ZBTB41: variants seen among roughly 807,000 people sequenced by gnomAD.
The protein encoded by ZBTB41 is zinc finger and BTB domain-containing protein 41.
In ZBTB41, 42 loss-of-function variants were observed where a neutral mutation model predicts 87.6. The observed-to-expected ratio is 0.48, with a 90% CI of 0.37 to 0.62. The LOEUF (loss-of-function observed/expected upper bound fraction) is 0.62. ZBTB41 is among the 20% of genes least tolerant of loss of function. ZBTB41 has a pLI of 0.00. For missense variants in ZBTB41, 799 were observed against 1,078.9 expected, an observed-to-expected ratio of 0.74 and a Z score of 3.63; for synonymous variants, 364 against 364.0, an observed-to-expected ratio of 1.00 and a Z score of 0.00.
chr1:197,197,563 A>AGGAGGGAG (rs1306246138), intron 2 of ZBTB41, among the ~76,000 whole-genome samples: 2 of 93,576 alleles, frequency 2.1e-5, no homozygotes, highest in Non-Finnish European at 4.3e-5. Context: ...GAGGGAGGGA[A>AGGAGGGAG]GGAGGGAGGG....
chr1:197,195,426 A>T (rs907822707), intron 2 of ZBTB41, among the ~76,000 whole-genome samples: 2 of 152,206 alleles, frequency 1.3e-5, no homozygotes, highest in African/African-American at 4.8e-5. Flanking sequence ...TCACCAGATG[A>T]GTTCATTATA....
chr1:197,164,842 T>TATATATTATATATAATACGTATCTA (rs1659285983), intron 10 of ZBTB41, among the ~76,000 whole-genome samples: 1 of 87,396 alleles, frequency 1.1e-5, no homozygotes, highest in Non-Finnish European at 2.5e-5. Flanking sequence ...TAATATATTA[T>TATATATTATATATAATACGTATCTA]ATATATTATA....
In ZBTB41 at chr1:197,161,353, T is replaced by C. The variant is rs538884304; in HGVS notation, c.2075-1339A>G. On this transcript the variant is annotated intron_variant, in intron 10 of 10. Transcript: ENST00000367405. The stretch of plus-strand genomic sequence containing the variant: ...TTGTCACATGAGTTTGTTGATATTT[T>C]CCTCTCATCTCTCCATTTGAAGCAT... 3.3e-4 allele frequency among the ~76,000 whole-genome samples: 50 copies of C among 152,234 alleles called. 1 individual carries two copies. In the South Asian group the frequency reaches 9.5e-3, roughly 29 times the overall value.
Position 197,181,124 on chromosome 1 carries a change from AG to A in ZBTB41, c.1547-8del. ...ATATCACATGGAAAAGGACCTAAAA[AG>A]GAAAAAAAAAAAGTGTGCATTTAAA... On this transcript the variant is annotated splice_region_variant and splice_polypyrimidine_tract_variant and intron_variant, in intron 5 of 10. Transcript: ENST00000367405. 2 of 1,567,990 alleles carry A rather than the reference AG, an allele frequency of 1.3e-6. No individual in the cohort carries two copies.
chr1:197,184,959 C>T (rs1303251455), intron 5 of ZBTB41, among the ~76,000 whole-genome samples: 5 of 151,980 alleles, frequency 3.3e-5, no homozygotes, highest in South Asian at 4.1e-4. Context: ...GGATTACAGG[C>T]GTCCGCCACC....
At position 197,159,853 on chromosome 1, in the gene ZBTB41, C is replaced by T. The variant is rs1453710932; in HGVS notation, c.2236G>A (p.Val746Ile). Residue 746 changes from valine (V) to isoleucine (I), a missense_variant, in exon 11 of 11, where the codon GTT (valine) becomes ATT (isoleucine). Physicochemically the swap from Val to Ile is conservative, Grantham distance 29 (BLOSUM62 3). This residue lies in a region of ZBTB41 where 198 missense variants were observed against 358.4 expected (regional missense o/e 0.55). Coordinates refer to ENST00000367405, the MANE Select transcript of ZBTB41 (RefSeq NM_194314.3). ...KDKLKYHIDH[V>I]HEIKSPDDPL... is the part of the protein sequence containing the mutation. ...TCATCAGGAGATTTTATTTCATGAACATGGTCAATGTGGTATTTCAGCTTG... is the reference window on the plus strand; with the variant it reads ...TCATCAGGAGATTTTATTTCATGAATATGGTCAATGTGGTATTTCAGCTTG... 1.9e-6 allele frequency: 3 copies of T among 1,613,950 alleles called. No individual in the cohort carries two copies. The highest frequency in any genetic ancestry group is 1.1e-5 in the South Asian group (1 of 91,078).
Position 197,159,344 on chromosome 1 carries a change from AATGTTTAG to A in ZBTB41, c.*7_*14del, listed in dbSNP as rs759943620. 1.2e-6 allele frequency: 2 copies of A among 1,610,730 alleles called. No homozygotes were observed. Among genetic ancestry groups the A allele is most frequent in the Admixed American group, 3.3e-5 (2 of 59,848 alleles). ...CATATAACCATCCAAAAATCTGTGG[AATGTTTAG>A]ATTTACTCATGAATGATGCTCATTC... On this transcript the variant is annotated 3_prime_UTR_variant, in exon 11 of 11. Coordinates refer to ENST00000367405, the MANE Select transcript of ZBTB41 (RefSeq NM_194314.3).
chr1:197,192,377 C>T (rs752828616), intron 2 of ZBTB41, among the ~76,000 whole-genome samples: 59 of 151,938 alleles, frequency 3.9e-4, no homozygotes, highest in Admixed American at 5.2e-4. Context: ...GGACAAGTAA[C>T]CTCTATATGC....
chr1:197,176,543 G>A, intron 8 of ZBTB41, 21 bp downstream of exon 8: 2 of 1,525,004 alleles, frequency 1.3e-6, no homozygotes, highest in Non-Finnish European at 1.8e-6. Context: ...TTTCGAACTA[G>A]CATTACAAAA....
At chr1:197,162,748 T>A (rs980439991) in intron 10 of ZBTB41, among the ~76,000 whole-genome samples, 1 of 152,120 alleles carries the variant, frequency 6.6e-6, no homozygotes, top group African/African-American at 2.4e-5. Flanking sequence ...ATAGGAAGTA[T>A]AGAGGTGCTT....
chr1:197,184,794 C>CTATTTATTTATT (rs71286567), intron 5 of ZBTB41, among the ~76,000 whole-genome samples: 27,901 of 147,498 alleles, frequency 0.19, 4,164 homozygotes, highest in East Asian at 0.68. Context: ...AAGTTTACAA[C>CTATTTATTTATT]TATTTATTTA....
At chr1:197,184,834 G>T (rs949403109) in intron 5 of ZBTB41, among the ~76,000 whole-genome samples, 3 of 104,136 alleles carry the variant, frequency 2.9e-5, no homozygotes, top group East Asian at 1.3e-3. Flanking sequence ...ATATTTTTGA[G>T]ACAGAATTTC....
chr1:197,183,471 A>C (rs1356581731), intron 5 of ZBTB41, among the ~76,000 whole-genome samples: 1 of 152,178 alleles, frequency 6.6e-6, no homozygotes, highest in African/African-American at 2.4e-5. Context: ...ACACCTATTA[A>C]ACTTTTTCTT....
rs1422431844 is a variant in ZBTB41, at chr1:197,158,252, AG to A, written c.*1106del. On this transcript the variant is annotated 3_prime_UTR_variant, in exon 11 of 11. Coordinates refer to ENST00000367405, the MANE Select transcript of ZBTB41 (RefSeq NM_194314.3). The stretch of plus-strand genomic sequence containing the variant: ...AAATTAAAGGTTAATTACAGACATT[AG>A]GCTTTTGTGAAGGCAAAATTAAAGA... The A allele has an allele frequency of 6.6e-6, 1 of 152,414 alleles. No homozygotes were observed. Among genetic ancestry groups the A allele is most frequent in the Non-Finnish European group, 1.5e-5 (1 of 67,894 alleles). 9.4% of individuals were successfully genotyped at this position (152,414 alleles called of 1,614,324 possible). A position where few individuals can be genotyped will look rare whatever the true frequency, so the allele number is the denominator to read the frequency against.
In ZBTB41 at chr1:197,175,074, C is replaced by T; in HGVS notation, c.1921G>A (p.Gly641Ser). 5.0e-6 allele frequency: 8 copies of T among 1,611,250 alleles called. No individual in the cohort carries two copies. Among genetic ancestry groups the T allele is most frequent in the Non-Finnish European group, 6.8e-6 (8 of 1,178,420 alleles). The change falls in exon 9 of 11, where the codon GGT becomes AGT. Residue 641 changes from glycine to serine, a missense_variant. By Grantham distance (56) the Gly-to-Ser change is moderately conservative. Transcript: ENST00000367405. The part of the protein sequence containing the change: ...HQCEECGKCF[G>S]RRDHLTVHYK... ...TGAACAGTGAGATGATCCCTACGAC[C>T]AAAACATTTTCCACATTCTTCACAC...
intron 5 of ZBTB41, among the ~76,000 whole-genome samples, chr1:197,182,355 G>A (rs1248939138): frequency 1.3e-5 from 2 of 151,964 alleles, no homozygotes; most frequent in Admixed American, 1.3e-4. Flanking sequence ...TTCCTATACT[G>A]GATATCCAGT....
chr1:197,186,979 T>C (rs1274690307), intron 5 of ZBTB41, among the ~76,000 whole-genome samples: 1 of 152,162 alleles, frequency 6.6e-6, no homozygotes, highest in East Asian at 1.9e-4. Context: ...CCACATTATA[T>C]GCATCAGGAA....
At chr1:197,167,688 T>C (rs144697224) in intron 10 of ZBTB41, among the ~76,000 whole-genome samples, 203 of 152,126 alleles carry the variant, frequency 1.3e-3, no homozygotes, top group African/African-American at 4.7e-3. Context: ...AGAAAAAACA[T>C]AAAATTCAAC....
chr1:197,168,691 C>A (rs1659406397), intron 10 of ZBTB41, among the ~76,000 whole-genome samples: 1 of 151,860 alleles, frequency 6.6e-6, no homozygotes, highest in Non-Finnish European at 1.5e-5. Flanking sequence ...ATATTAATGA[C>A]CTTGGGTTGA....
Sources: allele counts gnomAD v4.1 joint callset (sites outside exome capture counted in the v4.1 genomes callset), GRCh38; gene constraint gnomAD v4.1.1; regional missense constraint gnomAD v4.1.1; transcripts MANE v1.5; gene names NCBI Gene and HGNC (gene_info 2026-07-23, HGNC 2026-07-21).